PDE4D: variants seen among roughly 807,000 people sequenced by gnomAD.
The protein encoded by PDE4D is 3',5'-cyclic-AMP phosphodiesterase 4D.
PDE4D carries 24 observed loss-of-function variants against 87.4 expected under a neutral mutation model. The ratio of observed to expected loss-of-function variants is 0.27; its 90% CI spans 0.20 to 0.39. PDE4D has a LOEUF of 0.39. Among genes scored for constraint, PDE4D ranks in the 10% least tolerant of loss-of-function variants. PDE4D has a pLI of 1.00. For synonymous variants in PDE4D, 384 were observed against 383.2 expected (o/e 1.00, Z -0.02); for missense variants, 714 against 1,041.0 (o/e 0.69, Z 4.32).
intron 3 of PDE4D, among the ~76,000 whole-genome samples, chr5:59,965,063 A>ATC (rs1759887045): frequency 6.6e-6 from 1 of 152,168 alleles, no homozygotes; most frequent in African/African-American, 2.4e-5. Context: ...ATCTGTGCCC[A>ATC]TATACTCTAC....
At chr5:59,572,700 T>C (rs1057494273) in intron 1 of PDE4D, among the ~76,000 whole-genome samples, 3 of 152,160 alleles carry the variant, frequency 2.0e-5, no homozygotes, top group Non-Finnish European at 4.4e-5. Context: ...CAAGATGGTC[T>C]CGATCTCCTG....
intron 1 of PDE4D, among the ~76,000 whole-genome samples, chr5:59,620,979 C>G (rs1830282794): frequency 6.6e-6 from 1 of 151,910 alleles, no homozygotes; most frequent in Non-Finnish European, 1.5e-5. Context: ...CTTATGATAA[C>G]CTAGAGAAAT....
intron 1 of PDE4D, among the ~76,000 whole-genome samples, chr5:59,741,329 G>T (rs1030659720): frequency 2.0e-5 from 3 of 152,056 alleles, no homozygotes; most frequent in Non-Finnish European, 4.4e-5. Flanking sequence ...AATACACCAG[G>T]ATTTGCCCTG....
At chr5:60,008,099 T>C (rs759863441) in intron 2 of PDE4D, among the ~76,000 whole-genome samples, 8 of 152,004 alleles carry the variant, frequency 5.3e-5, no homozygotes, top group Non-Finnish European at 1.0e-4. Flanking sequence ...TTTCTTATTA[T>C]TAATACCAGT....
At chr5:60,363,331 C>A (rs921476391) in intron 1 of PDE4D, among the ~76,000 whole-genome samples, 2 of 152,160 alleles carry the variant, frequency 1.3e-5, no homozygotes, top group African/African-American at 4.8e-5. Context: ...TCCAACAGTA[C>A]CATCTTTTAC....
At chr5:60,142,558 T>C (rs912859576) in intron 2 of PDE4D, among the ~76,000 whole-genome samples, 2 of 152,152 alleles carry the variant, frequency 1.3e-5, no homozygotes, top group Non-Finnish European at 2.9e-5. Context: ...GATTTAGGCA[T>C]TGGCAGAAAC....
intron 1 of PDE4D, chr5:60,429,884 T>C (rs1412765190): frequency 2.9e-6 from 1 of 347,292 alleles, no homozygotes; most frequent in Non-Finnish European, 5.6e-6. Flanking sequence ...CTTTATTTGG[T>C]ATATTTGATG....
intron 1 of PDE4D, among the ~76,000 whole-genome samples, chr5:59,809,915 T>C (rs923282784): frequency 6.6e-6 from 1 of 152,180 alleles, no homozygotes; most frequent in Admixed American, 6.5e-5. Flanking sequence ...AACCCCTCGA[T>C]TGCTTTATTG....
intron 1 of PDE4D, among the ~76,000 whole-genome samples, chr5:59,522,346 A>G (rs752616757): frequency 3.9e-5 from 6 of 152,212 alleles, no homozygotes; most frequent in Non-Finnish European, 8.8e-5. Flanking sequence ...TACTCAGGGC[A>G]CTGGAGTGCA....
intron 1 of PDE4D, among the ~76,000 whole-genome samples, chr5:59,441,937 C>A (rs1797682635): frequency 1.3e-5 from 2 of 152,156 alleles, no homozygotes; most frequent in Non-Finnish European, 1.5e-5. Context: ...CTATGTTGTT[C>A]AACTAGGAAA....
intron 3 of PDE4D, among the ~76,000 whole-genome samples, chr5:59,971,052 T>C (rs530732141): frequency 4.6e-5 from 7 of 152,034 alleles, no homozygotes; most frequent in African/African-American, 1.2e-4. Context: ...GTCATGTCCT[T>C]TGTAGGGACA....
At chr5:60,105,024 C>A (rs1302633421) in intron 2 of PDE4D, among the ~76,000 whole-genome samples, 4 of 152,208 alleles carry the variant, frequency 2.6e-5, no homozygotes, top group African/African-American at 9.7e-5. Flanking sequence ...ATGACTTTGA[C>A]GAGTTGAGAG....
chr5:59,684,059 C>T (rs1749466165), intron 1 of PDE4D, among the ~76,000 whole-genome samples: 1 of 152,180 alleles, frequency 6.6e-6, no homozygotes. Context: ...CAAACCTTTT[C>T]TATGCTCCTT....
chr5:59,721,114 A>G (rs1444189308), intron 1 of PDE4D, among the ~76,000 whole-genome samples: 1 of 152,210 alleles, frequency 6.6e-6, no homozygotes, highest in African/African-American at 2.4e-5. Flanking sequence ...ACTAATATTT[A>G]TAAGTCTTGT....
chr5:59,353,688 C>T (rs1364923953), intron 1 of PDE4D, among the ~76,000 whole-genome samples: 1 of 151,838 alleles, frequency 6.6e-6, no homozygotes, highest in Non-Finnish European at 1.5e-5. Context: ...CTCTTTTTCT[C>T]TTCCTCACTC....
At chr5:60,229,629 C>T (rs1470335674) in intron 1 of PDE4D, among the ~76,000 whole-genome samples, 1 of 152,042 alleles carries the variant, frequency 6.6e-6, no homozygotes, top group African/African-American at 2.4e-5. Context: ...TGGAAAACTC[C>T]ATGCTATCAA....
intron 3 of PDE4D, among the ~76,000 whole-genome samples, chr5:59,189,242 T>G (rs1354756404): frequency 5.3e-4 from 40 of 75,706 alleles, no homozygotes; most frequent in Middle Eastern, 6.2e-3. Context: ...GTTTTTTTTT[T>G]TGTTTTTTTT....
chr5:60,242,432 C>T (rs1159020684), intron 1 of PDE4D, among the ~76,000 whole-genome samples: 4 of 152,046 alleles, frequency 2.6e-5, no homozygotes, highest in African/African-American at 9.7e-5. Context: ...AGAAAATCAA[C>T]AAAGAAACAT....
chr5:59,084,917 TA>T (rs1359739495), intron 5 of PDE4D, among the ~76,000 whole-genome samples: 1 of 152,084 alleles, frequency 6.6e-6, no homozygotes, highest in Non-Finnish European at 1.5e-5. Context: ...ATTAAAATGA[TA>T]AAATATAGCA....
Sources: allele counts gnomAD v4.1 joint callset (sites outside exome capture counted in the v4.1 genomes callset), GRCh38; gene constraint gnomAD v4.1.1; transcripts MANE v1.5; gene names NCBI Gene and HGNC (gene_info 2026-07-23, HGNC 2026-07-21).